Variants in GLIS3 observed in about 807,000 individuals in gnomAD.
GLIS3 encodes the protein GLIS family zinc finger 3, also known as zinc finger protein GLIS3.
A neutral mutation model predicts 78.6 loss-of-function variants in GLIS3; 53 were observed. That is an observed-to-expected ratio of 0.67 (90% CI 0.54 to 0.85). The LOEUF is 0.85. GLIS3 is among the 40% of genes least tolerant of loss of function. GLIS3 has a pLI of 0.00. For missense variants in GLIS3, 1,703 were observed against 1,231.1 expected (o/e 1.38, Z -5.74); for synonymous variants, 684 against 509.9 (o/e 1.34, Z -4.60).
At chr9:4,153,974 T>C (rs1044541846) in intron 2 of GLIS3, among the ~76,000 whole-genome samples, 1 of 152,346 alleles carries the variant, frequency 6.6e-6, no homozygotes, top group Admixed American at 6.5e-5. Context: ...AAGGGTGGGC[T>C]GGATGGACAT....
At chr9:4,356,716 T>G in the GLIS3 span, among the ~76,000 whole-genome samples, 1 of 152,160 alleles carries the variant, frequency 6.6e-6, no homozygotes, top group South Asian at 2.1e-4. Flanking sequence ...CGCATGACTA[T>G]TAGAGCAACA....
chr9:3,870,413 T>C (rs538392798), intron 8 of GLIS3, among the ~76,000 whole-genome samples: 20 of 152,112 alleles, frequency 1.3e-4, no homozygotes, highest in South Asian at 4.2e-4. Flanking sequence ...AAAATGAAAA[T>C]ACAACATCCC....
chr9:4,314,542 G>C (rs532902196), intron 2 of GLIS3, among the ~76,000 whole-genome samples: 1 of 152,232 alleles, frequency 6.6e-6, no homozygotes, highest in East Asian at 1.9e-4. Context: ...AAAAAAGAAA[G>C]AAAGTAAGGG....
At chr9:4,225,966 G>A (rs1320723829) in intron 2 of GLIS3, among the ~76,000 whole-genome samples, 2 of 152,196 alleles carry the variant, frequency 1.3e-5, no homozygotes, top group Non-Finnish European at 2.9e-5. Context: ...CCACCTACCT[G>A]AAACGTTATC....
intron 2 of GLIS3, among the ~76,000 whole-genome samples, chr9:4,197,859 G>A (rs1255546853): frequency 6.6e-6 from 1 of 152,086 alleles, no homozygotes; most frequent in Non-Finnish European, 1.5e-5. Context: ...GCACAGGGCT[G>A]TAGAAGTAAA....
chr9:4,064,065 CAG>C (rs1826881331), intron 4 of GLIS3, among the ~76,000 whole-genome samples: 1 of 151,608 alleles, frequency 6.6e-6, no homozygotes, highest in Admixed American at 6.6e-5. Context: ...ACCACTGAAA[CAG>C]AGGAAAGAAT....
intron 2 of GLIS3, among the ~76,000 whole-genome samples, chr9:4,240,912 GA>G (rs968687904): frequency 1.3e-5 from 2 of 151,362 alleles, no homozygotes; most frequent in Non-Finnish European, 2.9e-5. Flanking sequence ...GACACAGGAG[GA>G]AAAAAAGAGA....
At chr9:4,473,547 A>C in the GLIS3 span, among the ~76,000 whole-genome samples, 1 of 152,044 alleles carries the variant, frequency 6.6e-6, no homozygotes, top group African/African-American at 2.4e-5. Context: ...GGAACAGAAA[A>C]CCAAATACCA....
the GLIS3 span, among the ~76,000 whole-genome samples, chr9:4,432,463 G>A: frequency 6.6e-6 from 1 of 152,056 alleles, no homozygotes; most frequent in Non-Finnish European, 1.5e-5. Context: ...GTGGAGCAAG[G>A]TGAGAGGTAA....
At chr9:4,351,190 C>T (rs575263582), upstream of GLIS3, among the ~76,000 whole-genome samples, 48 of 152,106 alleles carry the variant, frequency 3.2e-4, no homozygotes, top group Non-Finnish European at 5.7e-4. Flanking sequence ...TTGCAGTGAG[C>T]CAAGATCAGG....
chr9:4,319,526 T>C (rs535812667), intron 2 of GLIS3, among the ~76,000 whole-genome samples: 37 of 140,764 alleles, frequency 2.6e-4, no homozygotes, highest in African/African-American at 9.9e-4. Context: ...AAAATCCAAA[T>C]ACTAACACTT....
the GLIS3 span, among the ~76,000 whole-genome samples, chr9:4,404,457 C>T: frequency 6.6e-6 from 1 of 152,106 alleles, no homozygotes; most frequent in East Asian, 1.9e-4. Context: ...AAGAATAGAC[C>T]ATATGTTAGC....
Position 4,118,319 on chromosome 9 carries a change from C to A in GLIS3, c.1159G>T (p.Asp387Tyr). The A allele has an allele frequency of 1.9e-6, 3 of 1,574,698 alleles. No homozygotes were observed. The highest frequency in any genetic ancestry group is 2.6e-6 in the Non-Finnish European group (3 of 1,163,030). Residue 387 changes from aspartate to tyrosine, a missense_variant, in exon 4 of 11, where the codon GAC becomes TAC. Physicochemically the swap from Asp to Tyr is radical, Grantham distance 160. Coordinates refer to ENST00000381971, the MANE Select transcript of GLIS3 (RefSeq NM_001042413.2). This position sits in a 1 kb window ranked among gnomAD's most constrained non-coding sequence, Gnocchi z 4.7. ...ATGCGCTCGTGCTCCAGGGCCCCGT[C>A]CTCGCCGTAGGCCGGCAGCGCCAGG... ...GGLALPAYGE[D>Y]GALEHERMQQ...
At chr9:4,288,020 C>T (rs942475923) in intron 1 of GLIS3, among the ~76,000 whole-genome samples, 1 of 152,074 alleles carries the variant, frequency 6.6e-6, no homozygotes. Context: ...AGCCACATTC[C>T]TCTAAGTCAG....
intron 2 of GLIS3, among the ~76,000 whole-genome samples, chr9:4,343,216 C>T (rs1201927239): frequency 6.6e-6 from 1 of 152,064 alleles, no homozygotes; most frequent in African/African-American, 2.4e-5. Flanking sequence ...GTGGCACACC[C>T]CTGTGGTCCC....
chr9:3,937,048 G>C lies in GLIS3; in HGVS notation c.1852C>G (p.Gln618Glu). Reference sequence around the variant, plus strand: ...CTTACGGTGTCCAGATGCGTCCGCTGGTGTTTGGCGCGGTCACTGGAGTTA... The same window carrying C: ...CTTACGGTGTCCAGATGCGTCCGCTCGTGTTTGGCGCGGTCACTGGAGTTA... The part of the protein sequence containing the change: ...FSNSSDRAKH[Q>E]RTHLDTKPYA... The change falls in exon 5 of 11, where the codon CAG becomes GAG. Residue 618 changes from glutamine to glutamate, a missense_variant. Coordinates refer to ENST00000381971, the MANE Select transcript of GLIS3 (RefSeq NM_001042413.2). The C allele has an allele frequency of 6.2e-7, 1 of 1,613,170 alleles. No individual in the cohort carries two copies. The highest frequency in any genetic ancestry group is 8.5e-7 in the Non-Finnish European group (1 of 1,180,004).
intron 2 of GLIS3, among the ~76,000 whole-genome samples, chr9:4,128,441 CT>C (rs1437299920): frequency 1.3e-5 from 2 of 152,200 alleles, no homozygotes; most frequent in Non-Finnish European, 2.9e-5. Flanking sequence ...AGCACCTAAC[CT>C]AGGGTCTAAT....
At chr9:3,867,246 T>C (rs1820645953) in intron 8 of GLIS3, among the ~76,000 whole-genome samples, 1 of 152,242 alleles carries the variant, frequency 6.6e-6, no homozygotes, top group Non-Finnish European at 1.5e-5. Flanking sequence ...TTGTTGTTGC[T>C]GTTGTTATTT....
chr9:3,842,377 C>G (rs1818775916), intron 9 of GLIS3, among the ~76,000 whole-genome samples: 1 of 152,130 alleles, frequency 6.6e-6, no homozygotes, highest in African/African-American at 2.4e-5. Flanking sequence ...CAGGCTGACG[C>G]AGAAGAATTG....
Sources: allele counts gnomAD v4.1 joint callset (sites outside exome capture counted in the v4.1 genomes callset), GRCh38; gene constraint gnomAD v4.1.1; non-coding constraint Gnocchi (gnomAD v3.1); transcripts MANE v1.5; gene names NCBI Gene and HGNC (gene_info 2026-07-23, HGNC 2026-07-21).